The following RGS7 variants were observed in gnomAD, a reference collection of about 807,000 sequenced individuals.
RGS7 encodes the protein regulator of G-protein signaling 7.
RGS7 carries 27 observed loss-of-function variants against 81.1 expected under a neutral mutation model. That is an observed-to-expected ratio of 0.33 (90% CI 0.25 to 0.46). The LOEUF (loss-of-function observed/expected upper bound fraction) is 0.46. Among genes scored for constraint, RGS7 ranks in the 20% least tolerant of loss-of-function variants. RGS7 has a pLI of 1.00. For synonymous variants in RGS7, 208 were observed against 207.7 expected, an observed-to-expected ratio of 1.00 and a Z score of -0.01; for missense variants, 396 against 607.4, an observed-to-expected ratio of 0.65 and a Z score of 3.66.
intron 6 of RGS7, among the ~76,000 whole-genome samples, chr1:240,888,420 A>G (rs536135586): frequency 1.3e-5 from 2 of 152,174 alleles, no homozygotes; most frequent in Non-Finnish European, 2.9e-5. Flanking sequence ...ATGGAGGAAA[A>G]GTGAGACAGG....
chr1:241,287,317 C>T (rs1041550693), intron 2 of RGS7, among the ~76,000 whole-genome samples: 2 of 152,138 alleles, frequency 1.3e-5, no homozygotes, highest in African/African-American at 2.4e-5. Context: ...GGGAGGGACC[C>T]AGTGGGAGGT....
At chr1:240,952,194 A>G (rs1184225174) in intron 4 of RGS7, among the ~76,000 whole-genome samples, 3 of 152,120 alleles carry the variant, frequency 2.0e-5, no homozygotes, top group African/African-American at 7.2e-5. Flanking sequence ...TACATAAAGA[A>G]AGAAAGAACA....
At chr1:241,232,694 G>C (rs969807047) in intron 2 of RGS7, among the ~76,000 whole-genome samples, 1 of 150,948 alleles carries the variant, frequency 6.6e-6, no homozygotes, top group African/African-American at 2.4e-5. Flanking sequence ...AAAAGGCCTG[G>C]GGGGAGCTTA....
At chr1:241,031,491 T>G (rs1484164029) in intron 3 of RGS7, among the ~76,000 whole-genome samples, 1 of 152,178 alleles carries the variant, frequency 6.6e-6, no homozygotes, top group Non-Finnish European at 1.5e-5. Context: ...GGGTAGATGC[T>G]CAGTATTGGG....
intron 2 of RGS7, 150 bp from the exon 3 acceptor site, chr1:241,098,912 A>C: frequency 1.5e-6 from 1 of 652,416 alleles, no homozygotes; most frequent in South Asian, 1.8e-5. Context: ...TTAATAGTTT[A>C]AATACTGTTA....
At chr1:241,162,222 G>GCGCCCCCCCCCCCCCCCCCCCCC (rs68166816) in intron 2 of RGS7, among the ~76,000 whole-genome samples, 1 of 142,026 alleles carries the variant, frequency 7.0e-6, no homozygotes, top group African/African-American at 2.6e-5. Context: ...CTGGTGATCA[G>GCGCCCCCCCCCCCCCCCCCCCCC]CTTCCAAATA....
chr1:241,185,114 T>G (rs759502072), intron 2 of RGS7, among the ~76,000 whole-genome samples: 20 of 152,178 alleles, frequency 1.3e-4, no homozygotes, highest in African/African-American at 4.3e-4. Context: ...TGTATAACCT[T>G]ATAGCATTTT....
chr1:241,176,831 G>A (rs1173455648), intron 2 of RGS7, among the ~76,000 whole-genome samples: 1 of 152,226 alleles, frequency 6.6e-6, no homozygotes, highest in East Asian at 1.9e-4. Flanking sequence ...ATAGCCTCCT[G>A]TGCTGCTTTC....
chr1:241,004,860 G>A (rs1192194674), intron 3 of RGS7, among the ~76,000 whole-genome samples: 1 of 152,192 alleles, frequency 6.6e-6, no homozygotes, highest in East Asian at 1.9e-4. Context: ...TGAGGAGAAG[G>A]GGTTCTGATT....
At chr1:241,145,824 A>C (rs998462002) in intron 2 of RGS7, among the ~76,000 whole-genome samples, 3 of 152,218 alleles carry the variant, frequency 2.0e-5, no homozygotes, top group Non-Finnish European at 4.4e-5. Flanking sequence ...CTCCCAGTTT[A>C]ATGAACAGTT....
At chr1:240,843,393 G>A (rs1301901162) in intron 9 of RGS7, among the ~76,000 whole-genome samples, 1 of 151,876 alleles carries the variant, frequency 6.6e-6, no homozygotes, top group African/African-American at 2.4e-5. Context: ...AGCCTCCTAA[G>A]TAGCTGAGAC....
intron 3 of RGS7, among the ~76,000 whole-genome samples, chr1:241,012,887 G>T (rs1436381384): frequency 2.6e-5 from 4 of 152,006 alleles, no homozygotes; most frequent in African/African-American, 9.7e-5. Flanking sequence ...TAATGGCTGG[G>T]CTGCTACCCG....
intron 6 of RGS7, among the ~76,000 whole-genome samples, chr1:240,902,798 G>A (rs893453292): frequency 2.0e-5 from 3 of 152,134 alleles, no homozygotes; most frequent in African/African-American, 7.2e-5. Context: ...TGTTTTTGTA[G>A]AGAATTAAAT....
At chr1:241,017,922 G>A (rs1038812135) in intron 3 of RGS7, among the ~76,000 whole-genome samples, 3 of 151,816 alleles carry the variant, frequency 2.0e-5, no homozygotes, top group African/African-American at 7.3e-5. Flanking sequence ...TCCAACATCT[G>A]TTTCATATGT....
intron 2 of RGS7, among the ~76,000 whole-genome samples, chr1:241,099,321 ACACACTCTCATG>A (rs150562163): frequency 0.039 from 5,988 of 152,218 alleles, 174 homozygotes; most frequent in African/African-American, 0.076. Flanking sequence ...ACACACACAT[ACACACTCTCATG>A]CACATACACT....
Position 240,796,639 on chromosome 1 carries a change from T to C in RGS7, c.*6+4002A>G, listed in dbSNP as rs934684936. Among the ~76,000 whole-genome samples, 10 of 152,302 alleles carry C rather than the reference T, an allele frequency of 6.6e-5. No individual in the cohort carries two copies. In the South Asian group the frequency reaches 2.1e-3, roughly 32 times the overall value. ...AGGTAGAGGTTGCAGTGAGCCGAGA[T>C]CGTGCCACTGCACTGCAGCTTGGGT... On this transcript the variant is annotated intron_variant, in intron 18 of 18. Coordinates refer to ENST00000440928, the MANE Select transcript of RGS7 (RefSeq NM_001364886.1).
intron 5 of RGS7, among the ~76,000 whole-genome samples, chr1:240,932,955 C>G (rs1247757727): frequency 1.5e-5 from 2 of 130,530 alleles, no homozygotes; most frequent in Admixed American, 8.9e-5. Context: ...GCGATCTCGG[C>G]TCACTGCAAG....
intron 2 of RGS7, among the ~76,000 whole-genome samples, chr1:241,185,426 C>T (rs917587528): frequency 2.6e-5 from 4 of 152,050 alleles, no homozygotes; most frequent in African/African-American, 9.7e-5. Context: ...AATTTCTCTG[C>T]AGTTAATAGA....
intron 2 of RGS7, among the ~76,000 whole-genome samples, chr1:241,131,214 C>T (rs1318367568): frequency 1.3e-5 from 2 of 151,954 alleles, no homozygotes; most frequent in Non-Finnish European, 2.9e-5. Flanking sequence ...AAACTAAACA[C>T]CCATAGCACA....
Sources: gnomAD v4.1 joint callset for allele counts (sites outside exome capture counted in the v4.1 genomes callset) on GRCh38, gnomAD v4.1.1 for gene constraint, MANE v1.5 for transcripts, NCBI Gene and HGNC (gene_info 2026-07-23, HGNC 2026-07-21) for gene names.